Variants in TRPM1 observed in about 807,000 individuals in gnomAD.
TRPM1 encodes TRPM1-203 APA Isoform, Intron 10.
In TRPM1, 113 loss-of-function variants were observed where a neutral mutation model predicts 149.4. That is an observed-to-expected ratio of 0.76 (90% CI 0.65 to 0.88). The LOEUF is 0.88. Among genes scored for constraint, TRPM1 ranks in the 40% least tolerant of loss-of-function variants. The pLI, the probability that TRPM1 is intolerant of heterozygous loss-of-function variation, is 0.00. For missense variants in TRPM1, 1,976 were observed against 2,038.7 expected, an observed-to-expected ratio of 0.97 and a Z score of 0.59; for synonymous variants, 741 against 759.5, an observed-to-expected ratio of 0.98 and a Z score of 0.40.
intron 9 of TRPM1, among the ~76,000 whole-genome samples, chr15:31,062,278 G>A (rs1393201635): frequency 6.6e-6 from 1 of 152,204 alleles, no homozygotes; most frequent in Non-Finnish European, 1.5e-5. Flanking sequence ...CTGACAGGGT[G>A]GTATGTGGCC....
chr15:31,035,717 A>T, intron 20 of TRPM1, 43 bp from the exon 21 acceptor site: 1 of 1,614,010 alleles, frequency 6.2e-7, no homozygotes, highest in Non-Finnish European at 8.5e-7. Flanking sequence ...GGGGAATCAC[A>T]TAGCAATCAA....
At chr15:31,139,395 CAG>C (rs944175300) in intron 1 of TRPM1, among the ~76,000 whole-genome samples, 7 of 152,128 alleles carry the variant, frequency 4.6e-5, no homozygotes, top group Non-Finnish European at 8.8e-5. Flanking sequence ...ATAGTCTAAA[CAG>C]GGGAGAGAAA....
At chr15:31,161,011 C>A (rs1468606725) in exon 1 of TRPM1, 2 of 1,521,676 alleles carry the variant, frequency 1.3e-6, no homozygotes, top group African/African-American at 2.7e-5. Context: ...GGTGGCCAGG[C>A]CAGTGGCACA....
At chr15:31,006,350 G>A (rs2031988883) in intron 27 of TRPM1, among the ~76,000 whole-genome samples, 1 of 152,070 alleles carries the variant, frequency 6.6e-6, no homozygotes, top group South Asian at 2.1e-4. Flanking sequence ...ACTAATTTTT[G>A]TATTTTTAGT....
intron 11 of TRPM1, among the ~76,000 whole-genome samples, chr15:31,050,836 C>T (rs552537097): frequency 3.3e-5 from 5 of 152,308 alleles, no homozygotes; most frequent in Admixed American, 6.5e-5. Context: ...ATACTGGGAA[C>T]CACTGTTACT....
chr15:31,080,604 C>T (rs2034828790), intron 2 of TRPM1, among the ~76,000 whole-genome samples: 1 of 151,416 alleles, frequency 6.6e-6, no homozygotes, highest in South Asian at 2.1e-4. Flanking sequence ...CACTGTCCTT[C>T]CCTAGCCCCC....
At chr15:31,054,075 A>G (rs1318506628) in intron 11 of TRPM1, among the ~76,000 whole-genome samples, 1 of 152,188 alleles carries the variant, frequency 6.6e-6, no homozygotes, top group Non-Finnish European at 1.5e-5. Context: ...TGCCAGTCAC[A>G]GGAGAGGGCA....
intron 1 of TRPM1, among the ~76,000 whole-genome samples, chr15:31,133,877 C>T (rs2036053729): frequency 6.6e-6 from 1 of 151,940 alleles, no homozygotes; most frequent in South Asian, 2.1e-4. Context: ...CTCAAGTGGG[C>T]CTGGGGATGC....
upstream of TRPM1, among the ~76,000 whole-genome samples, chr15:31,104,586 C>CTTT (rs928062797): frequency 1.7e-3 from 150 of 87,464 alleles, no homozygotes; most frequent in East Asian, 2.2e-3. Context: ...GGTGATCTTC[C>CTTT]TTTTTTTTTT....
chr15:31,148,309 G>C (rs538382247), intron 1 of TRPM1, among the ~76,000 whole-genome samples: 8 of 152,220 alleles, frequency 5.3e-5, no homozygotes, highest in Non-Finnish European at 1.2e-4. Context: ...TTAATGAGCT[G>C]GGGGTGTGCA....
At chr15:31,157,828 G>A (rs931139171) in intron 1 of TRPM1, among the ~76,000 whole-genome samples, 2 of 152,178 alleles carry the variant, frequency 1.3e-5, no homozygotes, top group African/African-American at 4.8e-5. Flanking sequence ...TGTACAAATA[G>A]AGGGCCAGGC....
At chr15:31,043,969 A>G (rs1488481223) in intron 16 of TRPM1, among the ~76,000 whole-genome samples, 1 of 152,174 alleles carries the variant, frequency 6.6e-6, no homozygotes, top group Admixed American at 6.5e-5. Flanking sequence ...AAAAATTGAC[A>G]TATTACCATA....
intron 1 of TRPM1, among the ~76,000 whole-genome samples, chr15:31,107,666 T>C (rs2035627017): frequency 6.6e-6 from 1 of 152,034 alleles, no homozygotes; most frequent in Non-Finnish European, 1.5e-5. Context: ...TTTGAGATCT[T>C]TCATTCTTAA....
Position 31,130,086 on chromosome 15 carries a change from G to A in TRPM1, c.54+30820C>T, listed in dbSNP as rs151244347. ...CGGGAAGTAGCCACTGCTCAGAGCTGCCTGGGTGGTGTGGCTCCCCTGAAA... is the reference window on the plus strand; with the variant it reads ...CGGGAAGTAGCCACTGCTCAGAGCTACCTGGGTGGTGTGGCTCCCCTGAAA... On this transcript the variant is annotated intron_variant, in intron 1 of 26. Transcript: ENST00000542188. Among the ~76,000 whole-genome samples the A allele has an allele frequency of 3.5e-3, 530 of 152,310 alleles. 4 individuals are homozygous for A. The highest frequency in any genetic ancestry group is 0.012 in the African/African-American group (504 of 41,586).
chr15:31,132,710 A>G (rs921841158), intron 1 of TRPM1, among the ~76,000 whole-genome samples: 1 of 152,114 alleles, frequency 6.6e-6, no homozygotes, highest in Admixed American at 6.6e-5. Context: ...CTCATCTTAA[A>G]TTGTAGCTCC....
intron 1 of TRPM1, among the ~76,000 whole-genome samples, chr15:31,119,170 G>A (rs2035842715): frequency 6.6e-6 from 1 of 152,034 alleles, no homozygotes; most frequent in South Asian, 2.1e-4. Flanking sequence ...GAACCCAGGA[G>A]GCAGAGGTTG....
intron 1 of TRPM1, among the ~76,000 whole-genome samples, chr15:31,127,660 A>G (rs1265220641): frequency 1.3e-5 from 2 of 152,168 alleles, no homozygotes; most frequent in East Asian, 3.9e-4. Context: ...CAAAGAGCTC[A>G]GTTCCATACT....
chr15:31,110,146 C>CACT (rs2035665038), intron 1 of TRPM1, among the ~76,000 whole-genome samples: 1 of 152,092 alleles, frequency 6.6e-6, no homozygotes, highest in Admixed American at 6.5e-5. Flanking sequence ...AATAAGTTAG[C>CACT]ACTACTACTA....
chr15:31,136,958 A>T (rs947282278), intron 1 of TRPM1, among the ~76,000 whole-genome samples: 1 of 152,034 alleles, frequency 6.6e-6, no homozygotes, highest in Non-Finnish European at 1.5e-5. Context: ...CAACCCTGAG[A>T]CCCCTGCAGG....
Sources: gnomAD v4.1 joint callset for allele counts (sites outside exome capture counted in the v4.1 genomes callset) on GRCh38, gnomAD v4.1.1 for gene constraint, MANE v1.5 for transcripts, NCBI Gene and HGNC (gene_info 2026-07-23, HGNC 2026-07-21) for gene names.